Variants in ZNF676 observed in about 807,000 individuals in gnomAD.
ZNF676 encodes zinc finger protein 676.
A neutral mutation model predicts 6.0 loss-of-function variants in ZNF676; 4 were observed. That is an observed-to-expected ratio of 0.67 (90% CI 0.33 to 1.53). The LOEUF (loss-of-function observed/expected upper bound fraction) is 1.53. ZNF676 is among the 40% of genes most tolerant of loss of function. The pLI, the probability that ZNF676 is intolerant of heterozygous loss-of-function variation, is 0.06. For missense variants in ZNF676, 644 were observed against 679.7 expected (o/e 0.95, Z 0.58); for synonymous variants, 198 against 223.1 (o/e 0.89, Z 1.00).
the ZNF676 span, among the ~76,000 whole-genome samples, chr19:22,260,028 G>A: frequency 6.6e-6 from 1 of 152,262 alleles, no homozygotes; most frequent in East Asian, 1.9e-4. Flanking sequence ...AAAAAGTCAA[G>A]TCACTCAGGT....
chr19:22,203,959 G>A (rs2024051224), intron 1 of ZNF676: 1 of 92,096 alleles, frequency 1.1e-5, no homozygotes, highest in Non-Finnish European at 2.4e-5. Context: ...ACCATTGAAT[G>A]TGAGATCTAC....
At chr19:22,219,185 G>A (rs1413128389), upstream of ZNF676, among the ~76,000 whole-genome samples, 1 of 150,732 alleles carries the variant, frequency 6.6e-6, no homozygotes, top group Non-Finnish European at 1.5e-5. Context: ...TGCACCCTCT[G>A]CATCCCAGGT....
intron 2 of ZNF676, among the ~76,000 whole-genome samples, chr19:22,192,252 C>A (rs1174352918): frequency 6.6e-6 from 1 of 151,940 alleles, no homozygotes; most frequent in Non-Finnish European, 1.5e-5. Context: ...TATCTGAGAA[C>A]AAATTTAATT....
chr19:22,220,660 T>C (rs1721950433), upstream of ZNF676, among the ~76,000 whole-genome samples: 1 of 152,098 alleles, frequency 6.6e-6, no homozygotes, highest in Non-Finnish European at 1.5e-5. Context: ...TTTTGCCATG[T>C]TGATCAGACT....
the ZNF676 span, among the ~76,000 whole-genome samples, chr19:22,242,143 A>C: frequency 6.6e-6 from 1 of 152,016 alleles, no homozygotes. Context: ...CTGGTATGAG[A>C]GTTATTATTG....
chr19:22,226,538 G>T, the ZNF676 span, among the ~76,000 whole-genome samples: 4 of 151,506 alleles, frequency 2.6e-5, no homozygotes, highest in Non-Finnish European at 5.9e-5. Context: ...ATATGTTAAA[G>T]AGTGTTTTAT....
the ZNF676 span, among the ~76,000 whole-genome samples, chr19:22,256,350 C>A: frequency 6.6e-6 from 1 of 151,280 alleles, no homozygotes; most frequent in Non-Finnish European, 1.5e-5. Context: ...CAGGAGAGGA[C>A]TATCACCTGG....
At chr19:22,243,428 A>G in the ZNF676 span, 2 of 152,066 alleles carry the variant, frequency 1.3e-5, no homozygotes, top group Non-Finnish European at 2.9e-5. Flanking sequence ...TTGAGCAGAA[A>G]TTGGTAGAAG....
At chr19:22,220,522 A>ACTCAC (rs1311073840), upstream of ZNF676, among the ~76,000 whole-genome samples, 1 of 146,994 alleles carries the variant, frequency 6.8e-6, no homozygotes, top group Non-Finnish European at 1.5e-5. Flanking sequence ...CAGTGGTGCG[A>ACTCAC]TGTTGACTCA....
the ZNF676 span, among the ~76,000 whole-genome samples, chr19:22,221,677 G>T: frequency 1.3e-5 from 2 of 151,978 alleles, no homozygotes; most frequent in African/African-American, 2.4e-5. Context: ...CTTGAACTTG[G>T]GAGGCAGAGG....
intron 1 of ZNF676, among the ~76,000 whole-genome samples, chr19:22,211,388 T>C (rs1244108375): frequency 6.6e-6 from 1 of 152,150 alleles, no homozygotes; most frequent in African/African-American, 2.4e-5. Context: ...AACCTTAGCT[T>C]GCAGTCATTG....
upstream of ZNF676, among the ~76,000 whole-genome samples, chr19:22,200,344 G>A (rs151087034): frequency 6.6e-6 from 1 of 151,862 alleles, no homozygotes; most frequent in Non-Finnish European, 1.5e-5. Flanking sequence ...TATAAGTTCA[G>A]GTGTAGACAT....
chr19:22,242,252 CA>C, the ZNF676 span, among the ~76,000 whole-genome samples: 320 of 151,946 alleles, frequency 2.1e-3, 6 homozygotes, highest in African/African-American at 7.0e-3. Flanking sequence ...AGGGTAAAAT[CA>C]CAATCATTTT....
At position 22,182,932 on chromosome 19, in the gene ZNF676, G is replaced by A. The variant is rs967573954; in HGVS notation, c.131-1346C>T. 1.1e-4 allele frequency among the ~76,000 whole-genome samples: 16 copies of A among 151,870 alleles called. No individual in the cohort carries two copies. The East Asian group carries it at 3.1e-3, about 29-fold the overall frequency. On this transcript the variant is annotated intron_variant, in intron 2 of 2. Coordinates refer to ENST00000397121, the MANE Select transcript of ZNF676 (RefSeq NM_001001411.3). ...TAACATTTGAGAGATAAAAGCACAG[G>A]AATTATTATAAACATCTGTTAATGA... is the stretch of plus-strand genomic sequence containing the variant.
intron 1 of ZNF676, among the ~76,000 whole-genome samples, chr19:22,202,652 A>C (rs930763880): frequency 7.2e-5 from 11 of 152,232 alleles, no homozygotes; most frequent in Non-Finnish European, 1.3e-4. Context: ...CATGCATTAC[A>C]GTCAATTTGC....
rs573040944 is a variant in ZNF676 at position 22,196,764 on chromosome 19, G to A, written c.-131C>T. ...CACAAACACATATATTTACCAATTG[G>A]TCATGGGCAGAACTTTTAATGTGAC... On this transcript the variant is annotated 5_prime_UTR_variant, in exon 1 of 3. Transcript: ENST00000397121. 1.9e-6 allele frequency: 3 copies of A among 1,542,348 alleles called. No homozygotes were observed. Among genetic ancestry groups the A allele is most frequent in the Non-Finnish European group, 2.7e-6 (3 of 1,121,276 alleles).
Position 22,179,877 on chromosome 19 carries a change from C to T in ZNF676, c.*73G>A. 1 of 1,500,390 alleles carries T rather than the reference C, an allele frequency of 6.7e-7. No homozygotes were observed. The highest frequency in any genetic ancestry group is 1.4e-5 in the African/African-American group (1 of 72,080). 92.9% of individuals were successfully genotyped at this position (1,500,390 alleles called of 1,614,324 possible). A position where few individuals can be genotyped will look rare whatever the true frequency, so the allele number is the denominator to read the frequency against. On this transcript the variant is annotated 3_prime_UTR_variant, in exon 3 of 3. Transcript: ENST00000397121. ...CACATTCTTCACCTTTGTAGATTTTCTCTCCAGTATGAATTTTCTTATGTT... is the reference window on the plus strand; with the variant it reads ...CACATTCTTCACCTTTGTAGATTTTTTCTCCAGTATGAATTTTCTTATGTT...
intron 1 of ZNF676, chr19:22,215,544 G>A (rs2024175685): frequency 1.4e-6 from 2 of 1,473,064 alleles, no homozygotes; most frequent in East Asian, 2.3e-5. Context: ...GCTGACTGCG[G>A]GTAGGCTTGA....
intron 1 of ZNF676, among the ~76,000 whole-genome samples, chr19:22,207,317 G>A (rs1316000691): frequency 3.3e-5 from 5 of 152,048 alleles, no homozygotes; most frequent in Non-Finnish European, 5.9e-5. Context: ...GGCCAAATCC[G>A]AATCGAAAAC....
Sources: allele counts gnomAD v4.1 joint callset (sites outside exome capture counted in the v4.1 genomes callset), GRCh38; gene constraint gnomAD v4.1.1; transcripts MANE v1.5; gene names NCBI Gene and HGNC (gene_info 2026-07-23, HGNC 2026-07-21).